ZBTB16: variants seen among roughly 807,000 people sequenced by gnomAD.
The protein encoded by ZBTB16 is zinc finger and BTB domain-containing protein 16.
Under a neutral mutation model 56.8 loss-of-function variants are expected in ZBTB16, and 8 were observed. That is an observed-to-expected ratio of 0.14 (90% CI 0.08 to 0.25). The LOEUF is 0.25. ZBTB16 is among the 10% of genes least tolerant of loss of function. The pLI, the probability that ZBTB16 is intolerant of heterozygous loss-of-function variation, is 1.00. For missense variants in ZBTB16, 625 were observed against 903.0 expected (o/e 0.69, Z 3.95); for synonymous variants, 363 against 368.5 (o/e 0.98, Z 0.17).
chr11:114,219,416 A>C (rs1944178985), intron 4 of ZBTB16, among the ~76,000 whole-genome samples: 1 of 152,156 alleles, frequency 6.6e-6, no homozygotes, highest in Non-Finnish European at 1.5e-5. Flanking sequence ...TAGGGGTCTG[A>C]GTGGGTGGCT....
chr11:114,068,854 G>A (rs753137863), intron 2 of ZBTB16, among the ~76,000 whole-genome samples: 12 of 152,294 alleles, frequency 7.9e-5, no homozygotes, highest in Non-Finnish European at 1.2e-4. Flanking sequence ...TCAGAGTTAC[G>A]TACATATGCG....
chr11:114,226,709 A>G (rs1430997145), intron 4 of ZBTB16, among the ~76,000 whole-genome samples: 1 of 152,048 alleles, frequency 6.6e-6, no homozygotes, highest in Non-Finnish European at 1.5e-5. Flanking sequence ...GAGCATGCAC[A>G]CCACCTGACA....
At chr11:114,201,891 G>C (rs1312039410) in intron 4 of ZBTB16, among the ~76,000 whole-genome samples, 1 of 152,182 alleles carries the variant, frequency 6.6e-6, no homozygotes, top group Non-Finnish European at 1.5e-5. Flanking sequence ...AAAAATTAAA[G>C]TCACTTTATA....
chr11:114,238,448 C>T (rs111306840), intron 4 of ZBTB16, among the ~76,000 whole-genome samples: 2 of 151,864 alleles, frequency 1.3e-5, no homozygotes, highest in South Asian at 4.2e-4. Flanking sequence ...TGAGGGTCCT[C>T]CTCCTGGTTG....
intron 2 of ZBTB16, among the ~76,000 whole-genome samples, chr11:114,144,512 C>G (rs867480610): frequency 3.3e-5 from 5 of 152,234 alleles, no homozygotes; most frequent in Middle Eastern, 6.8e-3. Context: ...CGGCTGACTT[C>G]TTTTACAAAA....
intron 2 of ZBTB16, among the ~76,000 whole-genome samples, chr11:114,091,018 C>T (rs77262775): frequency 0.025 from 3,772 of 152,204 alleles, 145 homozygotes; most frequent in African/African-American, 0.085. Flanking sequence ...GTTAAAGAGC[C>T]GTACATCCTC....
intron 4 of ZBTB16, among the ~76,000 whole-genome samples, chr11:114,198,594 T>C (rs889298487): frequency 2.0e-5 from 3 of 152,198 alleles, no homozygotes; most frequent in African/African-American, 7.2e-5. Flanking sequence ...TTCATTTTTT[T>C]AAGAGCAGCT....
chr11:114,071,792 T>A (rs1939356902), intron 2 of ZBTB16, among the ~76,000 whole-genome samples: 2 of 152,164 alleles, frequency 1.3e-5, no homozygotes, highest in Admixed American at 6.5e-5. Flanking sequence ...TCTCTGGCAG[T>A]TATTTAAGTA....
intron 3 of ZBTB16, among the ~76,000 whole-genome samples, chr11:114,185,711 C>T (rs747975542): frequency 7.2e-5 from 11 of 152,096 alleles, no homozygotes; most frequent in Admixed American, 1.3e-4. Flanking sequence ...GCACCCAACG[C>T]AGTGGAAGAA....
intron 2 of ZBTB16, among the ~76,000 whole-genome samples, chr11:114,103,648 G>C (rs558452857): frequency 6.6e-6 from 1 of 152,150 alleles, no homozygotes; most frequent in African/African-American, 2.4e-5. Context: ...CCCTGTGTCA[G>C]CATCTAAACC....
intron 4 of ZBTB16, among the ~76,000 whole-genome samples, chr11:114,239,403 G>A (rs947858778): frequency 6.6e-6 from 1 of 152,144 alleles, no homozygotes; most frequent in Admixed American, 6.5e-5. Flanking sequence ...CTCTCTGTGG[G>A]GTGGGGGTTA....
chr11:114,174,526 C>T (rs1218091714), intron 3 of ZBTB16, among the ~76,000 whole-genome samples: 1 of 152,146 alleles, frequency 6.6e-6, no homozygotes, highest in East Asian at 1.9e-4. Context: ...GCTAAAAATA[C>T]AACAATTAGC....
At chr11:114,222,807 T>C (rs1358831791) in intron 4 of ZBTB16, among the ~76,000 whole-genome samples, 1 of 152,182 alleles carries the variant, frequency 6.6e-6, no homozygotes, top group African/African-American at 2.4e-5. Flanking sequence ...AAAATTGATC[T>C]CAAAACAGTA....
chr11:114,156,114 C>T (rs968499530), intron 2 of ZBTB16, among the ~76,000 whole-genome samples: 2 of 152,266 alleles, frequency 1.3e-5, no homozygotes, highest in Non-Finnish European at 1.5e-5. Flanking sequence ...TGGTAAAGCC[C>T]GTGGACAAGA....
intron 3 of ZBTB16, among the ~76,000 whole-genome samples, chr11:114,176,563 G>A (rs1943119444): frequency 6.6e-6 from 1 of 152,154 alleles, no homozygotes; most frequent in Non-Finnish European, 1.5e-5. Context: ...CTGAACCGGG[G>A]AACCCAGCCC....
At chr11:114,112,139 G>A (rs532435356) in intron 2 of ZBTB16, among the ~76,000 whole-genome samples, 11 of 152,178 alleles carry the variant, frequency 7.2e-5, no homozygotes, top group South Asian at 2.1e-4. Flanking sequence ...ATTTTCTTTC[G>A]GATTTTTGCC....
chr11:114,212,147 T>TG lies in ZBTB16; in HGVS notation c.1453+25113dup, dbSNP rs549248478. Among the ~76,000 whole-genome samples the TG allele has an allele frequency of 3.4e-3, 504 of 149,578 alleles. 2 individuals are homozygous for TG. The highest frequency in any genetic ancestry group is 0.012 in the African/African-American group (482 of 40,720). ...TTTCTTTTCCTTGGGAAAGGGGGGA[T>TG]GGGGAGGGGGGAGTGTCAATGAAAT... On this transcript the variant is annotated intron_variant, in intron 4 of 6. Transcript: ENST00000335953.
In ZBTB16 at chr11:114,233,537, C is replaced by T. The variant is rs188286375; in HGVS notation, c.1454-8630C>T. 9.9e-5 allele frequency among the ~76,000 whole-genome samples: 15 copies of T among 152,106 alleles called. No individual in the cohort carries two copies. In the East Asian group the frequency reaches 1.4e-3, roughly 14 times the overall value. ...GTGAAGGTGGTTTTGTAGCCCAGTA[C>T]GAAAATGCAGATCTTGTCCCCTCTT... On this transcript the variant is annotated intron_variant, in intron 4 of 6. Transcript: ENST00000335953.
At position 114,064,708 on chromosome 11, in the gene ZBTB16, AG is replaced by A. The variant is rs1939047805; in HGVS notation, c.1268+141del. 1 of 1,180,820 alleles carries A rather than the reference AG, an allele frequency of 8.5e-7. No individual in the cohort carries two copies. Among genetic ancestry groups the A allele is most frequent in the African/African-American group, 1.5e-5 (1 of 65,710 alleles). The allele number at this position is 1,180,820 out of a possible 1,614,324, so 73.1% of individuals were successfully genotyped here. A position where few individuals can be genotyped will look rare whatever the true frequency, so the allele number is the denominator to read the frequency against. ...GAAAAAACCAGAACACTTCTTCTAA[AG>A]TTCTGGCGGGGAGGGGAGCAGGTTT... On this transcript the variant is annotated intron_variant, in intron 2 of 6. Coordinates refer to ENST00000335953, the MANE Select transcript of ZBTB16 (RefSeq NM_006006.6). This position sits in a 1 kb window ranked among gnomAD's most constrained non-coding sequence, Gnocchi z 4.2.
Sources: allele counts gnomAD v4.1 joint callset (sites outside exome capture counted in the v4.1 genomes callset), GRCh38; gene constraint gnomAD v4.1.1; non-coding constraint Gnocchi (gnomAD v3.1); transcripts MANE v1.5; gene names NCBI Gene and HGNC (gene_info 2026-07-23, HGNC 2026-07-21).